SPAG16: variants seen among roughly 807,000 people sequenced by gnomAD.
SPAG16 encodes the protein sperm associated antigen 16.
A neutral mutation model predicts 80.4 loss-of-function variants in SPAG16; 86 were observed. That is an observed-to-expected ratio of 1.07 (90% CI 0.90 to 1.28). The LOEUF (loss-of-function observed/expected upper bound fraction) is 1.28, where lower values mean the gene tolerates loss of function less well. SPAG16 is among the 50% of genes most tolerant of loss of function. SPAG16 has a pLI of 0.00. For synonymous variants in SPAG16, 294 were observed against 265.9 expected, an observed-to-expected ratio of 1.11 and a Z score of -1.03; for missense variants, 870 against 765.3, an observed-to-expected ratio of 1.14 and a Z score of -1.61.
chr2:213,789,913 A>G lies in SPAG16; in HGVS notation c.1071-72572A>G, dbSNP rs912185298. Among the ~76,000 whole-genome samples, 8 of 152,024 alleles carry G rather than the reference A, an allele frequency of 5.3e-5. No individual in the cohort carries two copies. The East Asian group carries it at 9.6e-4, about 18-fold the overall frequency. On this transcript the variant is annotated intron_variant, in intron 10 of 15. Coordinates refer to ENST00000331683, the MANE Select transcript of SPAG16 (RefSeq NM_024532.5). ...TCGGTAACGATATCATTATCATCCA[A>G]TGTATTTTGAGTCAAAACTGTGGTA... is the stretch of plus-strand genomic sequence containing the variant.
chr2:213,648,451 C>T (rs1043228307), intron 10 of SPAG16, among the ~76,000 whole-genome samples: 1 of 152,194 alleles, frequency 6.6e-6, no homozygotes. Context: ...CTTGATTAAG[C>T]TATAGACCAC....
chr2:214,208,174 G>A (rs558214828), intron 15 of SPAG16, among the ~76,000 whole-genome samples: 3 of 151,924 alleles, frequency 2.0e-5, no homozygotes, highest in Non-Finnish European at 4.4e-5. Flanking sequence ...ACAGATTTCG[G>A]TACCAAAATC....
chr2:213,443,326 A>G (rs2071098365), intron 9 of SPAG16, among the ~76,000 whole-genome samples: 1 of 152,198 alleles, frequency 6.6e-6, no homozygotes, highest in Non-Finnish European at 1.5e-5. Context: ...CCTTGTCACT[A>G]GTAACCACCA....
chr2:214,120,223 C>T (rs72938000), intron 14 of SPAG16, among the ~76,000 whole-genome samples: 33,237 of 151,516 alleles, frequency 0.22, 4,093 homozygotes, highest in Non-Finnish European at 0.28. Context: ...TGCTTTACTA[C>T]TTTGTGTGGC....
At chr2:213,816,131 G>C (rs1193272762) in intron 10 of SPAG16, among the ~76,000 whole-genome samples, 1 of 152,000 alleles carries the variant, frequency 6.6e-6, no homozygotes, top group Non-Finnish European at 1.5e-5. Flanking sequence ...CATATCAAAG[G>C]TTCCTGCTGT....
At chr2:213,863,315 T>C (rs915109435) in intron 11 of SPAG16, among the ~76,000 whole-genome samples, 2 of 152,158 alleles carry the variant, frequency 1.3e-5, no homozygotes, top group Admixed American at 1.3e-4. Context: ...AACCCATAGT[T>C]CTTGGTGCTT....
chr2:214,288,977 C>T (rs1239457590), intron 15 of SPAG16, among the ~76,000 whole-genome samples: 1 of 152,004 alleles, frequency 6.6e-6, no homozygotes, highest in Non-Finnish European at 1.5e-5. Flanking sequence ...ACCGTGTTAG[C>T]CAGGATGGTC....
chr2:213,946,970 T>A (rs2079506119), intron 12 of SPAG16, among the ~76,000 whole-genome samples: 2 of 150,736 alleles, frequency 1.3e-5, no homozygotes, highest in Admixed American at 6.6e-5. Flanking sequence ...TGAAGTTTGC[T>A]TTTTTTTTCA....
intron 10 of SPAG16, among the ~76,000 whole-genome samples, chr2:213,656,170 T>C (rs973628911): frequency 1.6e-4 from 25 of 152,238 alleles, no homozygotes; most frequent in African/African-American, 5.5e-4. Flanking sequence ...CCTGCTATTA[T>C]GCACAAGTAT....
At chr2:213,594,298 T>G (rs529919827) in intron 10 of SPAG16, among the ~76,000 whole-genome samples, 10 of 152,312 alleles carry the variant, frequency 6.6e-5, no homozygotes, top group Admixed American at 2.0e-4. Context: ...AAAGAAATTT[T>G]CTTCTAAATA....
intron 1 of SPAG16, among the ~76,000 whole-genome samples, chr2:213,295,309 A>G (rs1025583309): frequency 1.9e-4 from 29 of 152,104 alleles, no homozygotes; most frequent in African/African-American, 7.0e-4. Context: ...ATTGTCTTGA[A>G]GTTTTCATAT....
At chr2:213,768,212 G>A (rs2069047279) in intron 10 of SPAG16, among the ~76,000 whole-genome samples, 1 of 152,080 alleles carries the variant, frequency 6.6e-6, no homozygotes, top group Non-Finnish European at 1.5e-5. Context: ...TGGGGGTAAA[G>A]GACTGATGAA....
chr2:214,222,102 T>G (rs1454907256), intron 15 of SPAG16, among the ~76,000 whole-genome samples: 1 of 147,558 alleles, frequency 6.8e-6, no homozygotes, highest in Non-Finnish European at 1.5e-5. Flanking sequence ...ATTAGTTTCC[T>G]TGCTATTCTT....
chr2:213,889,411 A>G (rs1245595035), intron 11 of SPAG16, among the ~76,000 whole-genome samples: 3 of 151,832 alleles, frequency 2.0e-5, no homozygotes, highest in African/African-American at 7.2e-5. Context: ...ACTTGTGGTT[A>G]TATTTCCTTG....
chr2:213,831,402 A>G (rs569104317), intron 10 of SPAG16, among the ~76,000 whole-genome samples: 90 of 122,926 alleles, frequency 7.3e-4, no homozygotes, highest in Middle Eastern at 3.8e-3. Context: ...TTTTCAATTC[A>G]TAATTCAGGT....
chr2:213,934,637 A>G (rs558998009), intron 12 of SPAG16, among the ~76,000 whole-genome samples: 1 of 152,326 alleles, frequency 6.6e-6, no homozygotes, highest in African/African-American at 2.4e-5. Context: ...ACTTGGCTAT[A>G]TATCTAAATG....
chr2:214,005,564 C>T (rs2046990680), intron 12 of SPAG16, among the ~76,000 whole-genome samples: 1 of 152,162 alleles, frequency 6.6e-6, no homozygotes, highest in Admixed American at 6.5e-5. Flanking sequence ...CAGACACAGA[C>T]TGTGGTGAAT....
intron 15 of SPAG16, among the ~76,000 whole-genome samples, chr2:214,194,192 A>G (rs2057759078): frequency 6.6e-6 from 1 of 152,102 alleles, no homozygotes; most frequent in Non-Finnish European, 1.5e-5. Flanking sequence ...CTAGCAATAC[A>G]TGAAATGGCA....
chr2:213,841,848 A>G (rs1353169741), intron 10 of SPAG16, among the ~76,000 whole-genome samples: 1 of 152,150 alleles, frequency 6.6e-6, no homozygotes, highest in East Asian at 1.9e-4. Context: ...TCTAAGTTAT[A>G]TGTATAAGAA....
Sources: allele counts gnomAD v4.1 joint callset (sites outside exome capture counted in the v4.1 genomes callset), GRCh38; gene constraint gnomAD v4.1.1; transcripts MANE v1.5; gene names NCBI Gene and HGNC (gene_info 2026-07-23, HGNC 2026-07-21).